ARK2N: variants seen among roughly 807,000 people sequenced by gnomAD.
The protein encoded by ARK2N is arkadia (RNF111) N-terminal like PKA signaling regulator 2N.
chr18:46,222,901 G>C, the ARK2N span, among the ~76,000 whole-genome samples: 150 of 152,246 alleles, frequency 9.9e-4, 1 homozygote, highest in African/African-American at 3.4e-3. Context: ...GTAGTTTACT[G>C]TTAGGGTTCA....
the ARK2N span, among the ~76,000 whole-genome samples, chr18:46,198,135 C>T: frequency 3.3e-5 from 5 of 151,878 alleles, no homozygotes; most frequent in African/African-American, 4.8e-5. Context: ...AACACTGTCT[C>T]TACTAAAAAT....
the ARK2N span, among the ~76,000 whole-genome samples, chr18:46,181,802 C>T: frequency 6.6e-6 from 1 of 152,196 alleles, no homozygotes; most frequent in Admixed American, 6.6e-5. Context: ...GAGATGGGGT[C>T]TTACTATGTT....
the ARK2N span, among the ~76,000 whole-genome samples, chr18:46,189,484 T>C: frequency 1.3e-5 from 2 of 152,074 alleles, no homozygotes; most frequent in Admixed American, 1.3e-4. Context: ...AGAGATGGGG[T>C]CTCATTATGT....
At chr18:46,255,355 G>A in the ARK2N span, among the ~76,000 whole-genome samples, 1 of 149,610 alleles carries the variant, frequency 6.7e-6, no homozygotes, top group Non-Finnish European at 1.5e-5. Flanking sequence ...TATACCTTCT[G>A]TATTTATTCT....
chr18:46,231,053 C>G, the ARK2N span, among the ~76,000 whole-genome samples: 1 of 152,134 alleles, frequency 6.6e-6, no homozygotes, highest in Non-Finnish European at 1.5e-5. Flanking sequence ...ACAATAATAA[C>G]TCTCTTAATC....
chr18:46,216,784 G>A, the ARK2N span: 1 of 562,910 alleles, frequency 1.8e-6, no homozygotes, highest in South Asian at 2.5e-5. The surrounding 1 kb of genome is among the most constrained non-coding windows in gnomAD (Gnocchi z 4.3). Flanking sequence ...GTGAACTTTA[G>A]CACATCAGGA....
chr18:46,244,082 T>A, the ARK2N span, among the ~76,000 whole-genome samples: 126 of 152,382 alleles, frequency 8.3e-4, no homozygotes, highest in African/African-American at 2.9e-3. Flanking sequence ...TTTCTCCTGA[T>A]GATTCTGTCA....
At chr18:46,194,152 A>G in the ARK2N span, among the ~76,000 whole-genome samples, 2 of 151,950 alleles carry the variant, frequency 1.3e-5, no homozygotes, top group African/African-American at 4.8e-5. Context: ...GGGTCTGGCT[A>G]TGTTTCCCAG....
chr18:46,193,446 T>G, the ARK2N span, among the ~76,000 whole-genome samples: 12 of 151,928 alleles, frequency 7.9e-5, no homozygotes, highest in East Asian at 1.8e-3. Flanking sequence ...TGTGTCAGCA[T>G]GCTCAGCTAA....
chr18:46,192,733 C>T, the ARK2N span, among the ~76,000 whole-genome samples: 1 of 151,588 alleles, frequency 6.6e-6, no homozygotes, highest in Non-Finnish European at 1.5e-5. Context: ...CCATGCCTGG[C>T]TAATTTTTGT....
At chr18:46,178,499 C>A in the ARK2N span, among the ~76,000 whole-genome samples, 4 of 152,144 alleles carry the variant, frequency 2.6e-5, no homozygotes, top group African/African-American at 9.7e-5. Context: ...TTGGTAGAGA[C>A]AGGGTTTCAC....
chr18:46,223,529 A>C, the ARK2N span, among the ~76,000 whole-genome samples: 1 of 151,444 alleles, frequency 6.6e-6, no homozygotes, highest in Non-Finnish European at 1.5e-5. Context: ...TTTGATAGTG[A>C]GACAGGGGAA....
the ARK2N span, among the ~76,000 whole-genome samples, chr18:46,204,941 A>C: frequency 2.9e-4 from 24 of 81,514 alleles, no homozygotes; most frequent in South Asian, 1.1e-3. Context: ...TTTTTTTTTT[A>C]TTTTTTTTAT....
At chr18:46,243,508 G>T in the ARK2N span, among the ~76,000 whole-genome samples, 2 of 152,144 alleles carry the variant, frequency 1.3e-5, no homozygotes, top group Non-Finnish European at 2.9e-5. Flanking sequence ...GCAATTAGAT[G>T]ATTATCTTGC....
At chr18:46,200,980 T>TTTTTTTC in the ARK2N span, among the ~76,000 whole-genome samples, 2,041 of 16,986 alleles carry the variant, frequency 0.12, 27 homozygotes, top group African/African-American at 0.21. Context: ...TTCTTTTTTC[T>TTTTTTTC]TTTTTTTTTT....
the ARK2N span, among the ~76,000 whole-genome samples, chr18:46,245,535 C>T: frequency 2.2e-4 from 32 of 148,026 alleles, no homozygotes; most frequent in African/African-American, 8.0e-4. Context: ...TGCACCACCT[C>T]TCTCCAGCCT....
At chr18:46,181,979 A>G in the ARK2N span, among the ~76,000 whole-genome samples, 1 of 152,146 alleles carries the variant, frequency 6.6e-6, no homozygotes, top group Non-Finnish European at 1.5e-5. Context: ...AGTAGAAGTT[A>G]TTTTTTTACT....
At chr18:46,199,739 A>G in the ARK2N span, among the ~76,000 whole-genome samples, 2 of 152,066 alleles carry the variant, frequency 1.3e-5, no homozygotes, top group African/African-American at 4.8e-5. Flanking sequence ...GAAGCAGCTT[A>G]TGGGACTGCA....
the ARK2N span, among the ~76,000 whole-genome samples, chr18:46,207,648 A>G: frequency 6.6e-6 from 1 of 152,162 alleles, no homozygotes; most frequent in Non-Finnish European, 1.5e-5. Flanking sequence ...TTGGTGTCCC[A>G]AAGTGCTGGG....
Sources: gnomAD v4.1 joint callset for allele counts (sites outside exome capture counted in the v4.1 genomes callset) on GRCh38, gnomAD v4.1.1 for gene constraint, Gnocchi (gnomAD v3.1) non-coding constraint, MANE v1.5 for transcripts, NCBI Gene and HGNC (gene_info 2026-07-23, HGNC 2026-07-21) for gene names.